TMEM108: variants seen among roughly 807,000 people sequenced by gnomAD.
The protein encoded by TMEM108 is transmembrane protein 108, also known as cancer/testis antigen 124.
Under a neutral mutation model 35.1 loss-of-function variants are expected in TMEM108, and 12 were observed. The ratio of observed to expected loss-of-function variants is 0.34; its 90% confidence interval spans 0.22 to 0.55. TMEM108 has a LOEUF of 0.55. Among genes scored for constraint, TMEM108 ranks in the 20% least tolerant of loss-of-function variants. TMEM108 has a pLI of 0.89. For synonymous variants in TMEM108, 287 were observed against 308.6 expected, an observed-to-expected ratio of 0.93 and a Z score of 0.73; for missense variants, 680 against 753.3, an observed-to-expected ratio of 0.90 and a Z score of 1.14.
chr3:133,162,188 A>C (rs1262376560), intron 2 of TMEM108, among the ~76,000 whole-genome samples: 3 of 151,798 alleles, frequency 2.0e-5, no homozygotes, highest in Admixed American at 2.0e-4. Context: ...TGATCTCTTT[A>C]ATCTTGGTAT....
chr3:133,209,588 G>A (rs1402411479), intron 2 of TMEM108, among the ~76,000 whole-genome samples: 1 of 152,030 alleles, frequency 6.6e-6, no homozygotes, highest in Non-Finnish European at 1.5e-5. Flanking sequence ...TGGATCTCCT[G>A]GCTTACTGCT....
chr3:133,074,940 T>G (rs1340373365), intron 2 of TMEM108, among the ~76,000 whole-genome samples: 1 of 152,212 alleles, frequency 6.6e-6, no homozygotes, highest in African/African-American at 2.4e-5. Context: ...GGACCATCCA[T>G]ACATCTTTTT....
At chr3:133,349,595 A>T (rs940216254) in intron 3 of TMEM108, among the ~76,000 whole-genome samples, 1 of 151,840 alleles carries the variant, frequency 6.6e-6, no homozygotes, top group African/African-American at 2.4e-5. Context: ...TAATAGCAAA[A>T]AAAAAACTAA....
At position 133,329,784 on chromosome 3, in the gene TMEM108, C is replaced by T. The variant is rs553271165; in HGVS notation, c.41-49968C>T. Among the ~76,000 whole-genome samples the T allele has an allele frequency of 6.6e-5, 10 of 152,230 alleles. 1 individual carries two copies. In the South Asian group the frequency reaches 1.2e-3, roughly 19 times the overall value. On this transcript the variant is annotated intron_variant, in intron 3 of 5. Coordinates refer to ENST00000321871, the MANE Select transcript of TMEM108 (RefSeq NM_023943.4). The stretch of plus-strand genomic sequence containing the variant: ...CCAGCACCCTGTGTTTAGCCTTCAC[C>T]CAAAATTGCACTGCACGGTGAACAC...
At chr3:133,203,463 G>A (rs756406519) in intron 2 of TMEM108, among the ~76,000 whole-genome samples, 2 of 152,096 alleles carry the variant, frequency 1.3e-5, no homozygotes, top group South Asian at 2.1e-4. Context: ...TTTGAGATAC[G>A]TTCCATTAAT....
chr3:133,313,967 C>A (rs563884271), intron 3 of TMEM108, among the ~76,000 whole-genome samples: 6 of 152,072 alleles, frequency 3.9e-5, no homozygotes, highest in Non-Finnish European at 7.4e-5. Flanking sequence ...AAGCTGCTAC[C>A]AATTGGATGA....
chr3:133,238,363 C>G (rs540782328), intron 3 of TMEM108, among the ~76,000 whole-genome samples: 1 of 152,112 alleles, frequency 6.6e-6, no homozygotes, highest in Non-Finnish European at 1.5e-5. Context: ...CATATTTCGT[C>G]AAATCTAAGA....
chr3:133,330,463 A>G, intron 3 of TMEM108, among the ~76,000 whole-genome samples: 1 of 152,134 alleles, frequency 6.6e-6, no homozygotes, highest in East Asian at 1.9e-4. Context: ...TATTATTTTG[A>G]TATGTGGGTT....
At chr3:133,180,052 C>A (rs945307613) in intron 2 of TMEM108, among the ~76,000 whole-genome samples, 1 of 151,862 alleles carries the variant, frequency 6.6e-6, no homozygotes, top group Non-Finnish European at 1.5e-5. Context: ...CATAAGACTC[C>A]CTTGGATTAA....
intron 2 of TMEM108, among the ~76,000 whole-genome samples, chr3:133,171,200 A>G (rs1336765977): frequency 1.3e-5 from 2 of 152,174 alleles, no homozygotes; most frequent in Non-Finnish European, 1.5e-5. Flanking sequence ...TAGGTACATG[A>G]AAGAAGTTAG....
intron 2 of TMEM108, among the ~76,000 whole-genome samples, chr3:133,226,924 A>G (rs940252217): frequency 3.0e-4 from 45 of 152,258 alleles, no homozygotes; most frequent in African/African-American, 1.0e-3. Flanking sequence ...AGCAAGTCAC[A>G]TCTTATGTGG....
intron 3 of TMEM108, among the ~76,000 whole-genome samples, chr3:133,278,205 G>GA (rs1344710528): frequency 2.0e-5 from 3 of 152,142 alleles, no homozygotes; most frequent in Non-Finnish European, 4.4e-5. Context: ...AAAGTAAAGA[G>GA]AAAAAAATGT....
At chr3:133,238,091 C>G (rs1430083969) in intron 3 of TMEM108, among the ~76,000 whole-genome samples, 2 of 151,014 alleles carry the variant, frequency 1.3e-5, no homozygotes, top group Non-Finnish European at 3.0e-5. Context: ...TCTCTTATCC[C>G]TTCTCCCTTT....
intron 3 of TMEM108, among the ~76,000 whole-genome samples, chr3:133,307,749 G>A (rs1339518607): frequency 4.6e-5 from 7 of 152,120 alleles, no homozygotes; most frequent in African/African-American, 7.2e-5. Context: ...TTTGGTACCA[G>A]TACTATACTG....
chr3:133,201,957 A>G (rs573136559), intron 2 of TMEM108, among the ~76,000 whole-genome samples: 1 of 152,294 alleles, frequency 6.6e-6, no homozygotes, highest in East Asian at 1.9e-4. Context: ...CCTCTCCAGC[A>G]TCTGTTCTTT....
At chr3:133,304,001 C>G (rs1947266710) in intron 3 of TMEM108, among the ~76,000 whole-genome samples, 1 of 152,176 alleles carries the variant, frequency 6.6e-6, no homozygotes, top group South Asian at 2.1e-4. Flanking sequence ...GATTTGAGAT[C>G]CAGCTTCAAC....
chr3:133,347,568 A>G (rs924014230), intron 3 of TMEM108, among the ~76,000 whole-genome samples: 4 of 151,998 alleles, frequency 2.6e-5, no homozygotes, highest in African/African-American at 4.8e-5. Context: ...TACGTTGGCA[A>G]TCATGTCATC....
At chr3:133,160,181 G>A (rs1469560261) in intron 2 of TMEM108, among the ~76,000 whole-genome samples, 2 of 152,218 alleles carry the variant, frequency 1.3e-5, no homozygotes, top group Non-Finnish European at 2.9e-5. Context: ...TGCTCCTTTT[G>A]TGGGTCACTC....
At chr3:133,223,919 T>C (rs1946029678) in intron 2 of TMEM108, among the ~76,000 whole-genome samples, 2 of 152,230 alleles carry the variant, frequency 1.3e-5, no homozygotes, top group Non-Finnish European at 2.9e-5. Context: ...CAAATGGTGC[T>C]TCTAGTTGGG....
Sources: allele counts gnomAD v4.1 joint callset (sites outside exome capture counted in the v4.1 genomes callset), GRCh38; gene constraint gnomAD v4.1.1; transcripts MANE v1.5; gene names NCBI Gene and HGNC (gene_info 2026-07-23, HGNC 2026-07-21).